Variants in HSD17B3 observed in about 807,000 individuals in gnomAD.
HSD17B3 encodes the protein 17-beta-hydroxysteroid dehydrogenase type 3.
Under a neutral mutation model 41.1 loss-of-function variants are expected in HSD17B3, and 29 were observed. The ratio of observed to expected loss-of-function variants is 0.71; its 90% CI spans 0.53 to 0.96. The LOEUF is 0.96. Among genes scored for constraint, HSD17B3 ranks in the 40% least tolerant of loss-of-function variants. The probability of loss-of-function intolerance (pLI) is 0.00; values close to 1 mark genes in which losing one functional copy is unlikely to be tolerated. For synonymous variants in HSD17B3, 126 were observed against 145.6 expected, an observed-to-expected ratio of 0.87 and a Z score of 0.97; for missense variants, 323 against 374.6, an observed-to-expected ratio of 0.86 and a Z score of 1.14.
intron 1 of HSD17B3, among the ~76,000 whole-genome samples, chr9:96,298,689 G>C (rs1827459173): frequency 6.6e-6 from 1 of 151,948 alleles, no homozygotes; most frequent in Non-Finnish European, 1.5e-5. Flanking sequence ...TGGTTGGTTG[G>C]TTGGTTGGTT....
intron 2 of HSD17B3, among the ~76,000 whole-genome samples, chr9:96,295,039 G>A (rs1226306645): frequency 2.5e-5 from 3 of 122,200 alleles, no homozygotes; most frequent in African/African-American, 3.3e-5. Flanking sequence ...ATGGTGTCTC[G>A]CTCTGTCGCC....
chr9:96,255,181 T>C (rs1825581503), intron 2 of HSD17B3, among the ~76,000 whole-genome samples: 2 of 152,204 alleles, frequency 1.3e-5, no homozygotes, highest in Admixed American at 6.5e-5. Flanking sequence ...TGTGTGTTTA[T>C]TGTGTGCGGG....
chr9:96,235,979 CTTT>C (rs113139648), intron 10 of HSD17B3, among the ~76,000 whole-genome samples: 1 of 144,098 alleles, frequency 6.9e-6, no homozygotes, highest in Non-Finnish European at 1.5e-5. Flanking sequence ...CTAATTTTTT[CTTT>C]TTTTTTTTTC....
At chr9:96,243,604 A>G (rs561536202) in intron 9 of HSD17B3, among the ~76,000 whole-genome samples, 1 of 152,370 alleles carries the variant, frequency 6.6e-6, no homozygotes, top group South Asian at 2.1e-4. Flanking sequence ...CCACACAACA[A>G]TAACAAAACA....
At chr9:96,269,563 A>C (rs1234858400) in intron 2 of HSD17B3, among the ~76,000 whole-genome samples, 1 of 152,176 alleles carries the variant, frequency 6.6e-6, no homozygotes, top group Non-Finnish European at 1.5e-5. Context: ...TCATTCATCC[A>C]TGTCGGCATG....
intron 2 of HSD17B3, among the ~76,000 whole-genome samples, chr9:96,269,669 C>T (rs894032195): frequency 5.3e-5 from 8 of 151,762 alleles, no homozygotes; most frequent in African/African-American, 1.9e-4. Context: ...TTTGGGAGGC[C>T]GAGGCAGGTG....
At chr9:96,247,264 T>C (rs1836704482) in intron 6 of HSD17B3, 1 of 153,852 alleles carries the variant, frequency 6.5e-6, no homozygotes, top group South Asian at 2.0e-4. Flanking sequence ...CCCCATGGAC[T>C]GAAATGTTCT....
intron 2 of HSD17B3, among the ~76,000 whole-genome samples, chr9:96,277,611 G>C (rs1395019614): frequency 2.0e-5 from 3 of 152,146 alleles, no homozygotes. Context: ...CTTGTATACT[G>C]TTGGTGGGAA....
chr9:96,301,462 C>T (rs1005038023), intron 1 of HSD17B3, among the ~76,000 whole-genome samples: 1 of 150,900 alleles, frequency 6.6e-6, no homozygotes, highest in Non-Finnish European at 1.5e-5. Flanking sequence ...CCTGTAATCT[C>T]AGCACTTTGA....
chr9:96,297,341 CTTT>C lies in HSD17B3; in HGVS notation c.201+1072_201+1074del, dbSNP rs71368242. Among the ~76,000 whole-genome samples, 649 of 73,630 alleles carry C rather than the reference CTTT, an allele frequency of 8.8e-3. 5 individuals are homozygous for C. Among genetic ancestry groups the C allele is most frequent in the African/African-American group, 0.028 (543 of 19,116 alleles). The allele number at this position is 73,630 out of a possible 152,430, so 48.3% of individuals were successfully genotyped here. On this transcript the variant is annotated intron_variant, in intron 2 of 10. Transcript: ENST00000375263. Reference sequence around the variant, plus strand: ...TATATTTTTAAGGTGTTATTGATTTCTTTTTTTTTTTTTTTTTTTTTTGGAGAC... The same window carrying C: ...TATATTTTTAAGGTGTTATTGATTTCTTTTTTTTTTTTTTTTTTTGGAGAC...
chr9:96,235,742 T>G (rs932912384), intron 10 of HSD17B3, among the ~76,000 whole-genome samples, 172 bp from the exon 11 acceptor site: 1 of 152,238 alleles, frequency 6.6e-6, no homozygotes, highest in African/African-American at 2.4e-5. Flanking sequence ...TCACAAGGTT[T>G]TCTCAGACGC....
At chr9:96,255,677 A>G (rs2130735291) in intron 2 of HSD17B3, among the ~76,000 whole-genome samples, 1 of 152,258 alleles carries the variant, frequency 6.6e-6, no homozygotes, top group East Asian at 1.9e-4. Context: ...GGCCTGAGCC[A>G]CCATGCCCGG....
chr9:96,249,904 A>G (rs1224169707), intron 5 of HSD17B3, 118 bp from the exon 6 acceptor site: 3 of 1,584,908 alleles, frequency 1.9e-6, no homozygotes, highest in Non-Finnish European at 2.6e-6. Flanking sequence ...CGGTTTCATC[A>G]CTCACCCTGC....
At chr9:96,281,084 C>T (rs1265790495) in intron 2 of HSD17B3, among the ~76,000 whole-genome samples, 1 of 152,088 alleles carries the variant, frequency 6.6e-6, no homozygotes, top group Non-Finnish European at 1.5e-5. Flanking sequence ...TTTATGGACT[C>T]ACCCTGAATT....
chr9:96,242,014 A>AGAGAAAGAAC (rs11453214), intron 9 of HSD17B3, among the ~76,000 whole-genome samples: 1 of 133,704 alleles, frequency 7.5e-6, no homozygotes, highest in Admixed American at 7.5e-5. Context: ...AGAGAAAGAA[A>AGAGAAAGAAC]AGAAAGAAAA....
intron 10 of HSD17B3, among the ~76,000 whole-genome samples, chr9:96,240,385 C>A (rs1836390151): frequency 1.3e-5 from 2 of 152,158 alleles, no homozygotes; most frequent in Non-Finnish European, 2.9e-5. Context: ...GTGGTTTGTG[C>A]TTGTTTTGTT....
At chr9:96,238,682 T>C (rs1242611038) in intron 10 of HSD17B3, among the ~76,000 whole-genome samples, 1 of 152,192 alleles carries the variant, frequency 6.6e-6, no homozygotes, top group East Asian at 1.9e-4. Flanking sequence ...TCTGTAATTT[T>C]TCTTTCCTGG....
intron 3 of HSD17B3, among the ~76,000 whole-genome samples, chr9:96,253,324 TCAA>T (rs1044282220): frequency 2.0e-5 from 3 of 152,114 alleles, no homozygotes; most frequent in Non-Finnish European, 4.4e-5. Context: ...TGCTGCTTGC[TCAA>T]GTTCGAGACC....
chr9:96,246,694 C>G, intron 6 of HSD17B3, 104 bp from the exon 7 acceptor site: 1 of 992,198 alleles, frequency 1.0e-6, no homozygotes, highest in Non-Finnish European at 1.6e-6. Flanking sequence ...TGGGAAAGAG[C>G]CTCATCTTCT....
Sources: gnomAD v4.1 joint callset for allele counts (sites outside exome capture counted in the v4.1 genomes callset) on GRCh38, gnomAD v4.1.1 for gene constraint, MANE v1.5 for transcripts, NCBI Gene and HGNC (gene_info 2026-07-23, HGNC 2026-07-21) for gene names.